The following ULK4 variants were observed in gnomAD, a reference collection of about 807,000 sequenced individuals.
ULK4 encodes the protein inactive serine/threonine-protein kinase ULK4.
ULK4 carries 133 observed loss-of-function variants against 160.6 expected under a neutral mutation model. That is an observed-to-expected ratio of 0.83 (90% CI 0.72 to 0.96). The LOEUF (loss-of-function observed/expected upper bound fraction) is 0.96, where lower values mean the gene tolerates loss of function less well. Among genes scored for constraint, ULK4 ranks in the 40% least tolerant of loss-of-function variants. The pLI is 0.00. For synonymous variants in ULK4, 534 were observed against 539.8 expected, an observed-to-expected ratio of 0.99 and a Z score of 0.15; for missense variants, 1,580 against 1,499.5, an observed-to-expected ratio of 1.05 and a Z score of -0.89.
intron 16 of ULK4, among the ~76,000 whole-genome samples, chr3:41,889,087 C>T (rs112535216): frequency 0.046 from 6,934 of 152,056 alleles, 504 homozygotes; most frequent in African/African-American, 0.16. Context: ...AAAAGCAGGA[C>T]CATGATGAAA....
chr3:41,309,480 G>A (rs2080008881), intron 35 of ULK4, among the ~76,000 whole-genome samples: 1 of 152,098 alleles, frequency 6.6e-6, no homozygotes, highest in Admixed American at 6.5e-5. Context: ...TGAGACTGCA[G>A]GCTCATGACA....
chr3:41,722,274 A>G (rs954666346), intron 22 of ULK4, among the ~76,000 whole-genome samples: 3 of 152,180 alleles, frequency 2.0e-5, no homozygotes, highest in Non-Finnish European at 4.4e-5. Flanking sequence ...ATCATGAATC[A>G]CCATGCTCAA....
intron 17 of ULK4, among the ~76,000 whole-genome samples, chr3:41,857,265 C>T (rs142667965): frequency 6.6e-6 from 1 of 152,332 alleles, no homozygotes; most frequent in East Asian, 1.9e-4. Context: ...ATATCTCCTC[C>T]TCTACTCAAA....
At chr3:41,960,371 T>G (rs995238566) in intron 1 of ULK4, among the ~76,000 whole-genome samples, 3 of 149,520 alleles carry the variant, frequency 2.0e-5, no homozygotes, top group Non-Finnish European at 3.0e-5. Flanking sequence ...ATGATTTTCT[T>G]TTTTTTTTTT....
chr3:41,906,214 C>T (rs1295519753), intron 12 of ULK4, among the ~76,000 whole-genome samples: 3 of 4,826 alleles, frequency 6.2e-4, no homozygotes, highest in East Asian at 0.056. Flanking sequence ...GAGACTCCGT[C>T]TCAAAAAAAA....
intron 32 of ULK4, among the ~76,000 whole-genome samples, chr3:41,494,878 G>T (rs572384359): frequency 6.6e-6 from 1 of 152,076 alleles, no homozygotes; most frequent in Non-Finnish European, 1.5e-5. Flanking sequence ...CACAAGGGAC[G>T]TGAAGGACCT....
At chr3:41,452,100 T>A (rs7649806) in intron 34 of ULK4, among the ~76,000 whole-genome samples, 79,279 of 152,006 alleles carry the variant, frequency 0.52, 22,686 homozygotes, top group African/African-American at 0.77. Context: ...CTGATTTTGA[T>A]CTTGGTAGAT....
chr3:41,490,399 A>G (rs1293509675), intron 32 of ULK4, among the ~76,000 whole-genome samples: 3 of 152,158 alleles, frequency 2.0e-5, no homozygotes, highest in Admixed American at 1.3e-4. Flanking sequence ...CTGTGGTCTC[A>G]TCATTCGCTC....
intron 35 of ULK4, among the ~76,000 whole-genome samples, chr3:41,302,546 T>C (rs188596771): frequency 2.0e-3 from 302 of 152,312 alleles, no homozygotes; most frequent in Non-Finnish European, 2.5e-3. Context: ...AGAGGCAGTT[T>C]CATGAAAACT....
chr3:41,859,897 T>A (rs1179043570), intron 17 of ULK4, among the ~76,000 whole-genome samples: 1 of 149,560 alleles, frequency 6.7e-6, no homozygotes, highest in Non-Finnish European at 1.5e-5. Context: ...CTCGAACTCC[T>A]GACCTTATGA....
chr3:41,659,156 T>C (rs1017006329), intron 30 of ULK4, among the ~76,000 whole-genome samples: 2 of 152,212 alleles, frequency 1.3e-5, no homozygotes, highest in African/African-American at 2.4e-5. Flanking sequence ...ACAATGCTGA[T>C]AGAAATGTAA....
chr3:41,503,297 C>T (rs1158754552), intron 32 of ULK4, among the ~76,000 whole-genome samples: 4 of 152,204 alleles, frequency 2.6e-5, no homozygotes, highest in Non-Finnish European at 5.9e-5. Flanking sequence ...TTAGTTAGTG[C>T]ACCAAAACTA....
At chr3:41,692,186 C>T (rs2036328071) in intron 27 of ULK4, among the ~76,000 whole-genome samples, 1 of 150,478 alleles carries the variant, frequency 6.6e-6, no homozygotes, top group African/African-American at 2.4e-5. Flanking sequence ...CTCCTGACCT[C>T]GTGATCTGCC....
intron 30 of ULK4, among the ~76,000 whole-genome samples, chr3:41,642,475 T>C (rs548263956): frequency 6.6e-6 from 1 of 152,312 alleles, no homozygotes; most frequent in South Asian, 2.1e-4. Flanking sequence ...TTACTGAGAA[T>C]GATGATTTCC....
At chr3:41,679,684 C>T (rs926907250) in intron 29 of ULK4, among the ~76,000 whole-genome samples, 4 of 152,126 alleles carry the variant, frequency 2.6e-5, no homozygotes, top group Non-Finnish European at 5.9e-5. Flanking sequence ...ACAAACTGTT[C>T]CAAAACTGGG....
At chr3:41,527,970 C>T (rs1304318003) in intron 32 of ULK4, among the ~76,000 whole-genome samples, 1 of 152,110 alleles carries the variant, frequency 6.6e-6, no homozygotes, top group East Asian at 1.9e-4. Flanking sequence ...GTTTGACCCT[C>T]GAGAATTATA....
intron 17 of ULK4, among the ~76,000 whole-genome samples, chr3:41,841,085 C>T (rs527833247): frequency 1.4e-5 from 2 of 147,158 alleles, no homozygotes; most frequent in Admixed American, 6.7e-5. Flanking sequence ...ATGTGAGAAG[C>T]GCCTCTGCCC....
intron 18 of ULK4, among the ~76,000 whole-genome samples, chr3:41,830,947 G>A (rs2041559334): frequency 6.6e-6 from 1 of 151,792 alleles, no homozygotes; most frequent in African/African-American, 2.4e-5. Flanking sequence ...GAACTGCGAG[G>A]AAAAGTGCCT....
chr3:41,466,020 T>C lies in ULK4; in HGVS notation c.3227-2767A>G, dbSNP rs140761345. The stretch of plus-strand genomic sequence containing the variant: ...TCATTTTGTAGCACCATTGTGAACA[T>C]AATGCATTTTTAAATAATATATATT... On this transcript the variant is annotated intron_variant, in intron 32 of 36. Transcript: ENST00000301831. 6.0e-4 allele frequency among the ~76,000 whole-genome samples: 92 copies of C among 152,296 alleles called. 1 individual carries two copies. The East Asian group carries it at 0.017, about 28-fold the overall frequency.
Sources: gnomAD v4.1 joint callset for allele counts (sites outside exome capture counted in the v4.1 genomes callset) on GRCh38, gnomAD v4.1.1 for gene constraint, MANE v1.5 for transcripts, NCBI Gene and HGNC (gene_info 2026-07-23, HGNC 2026-07-21) for gene names.